Variants in SYT7 observed in about 807,000 individuals in gnomAD.
SYT7 encodes synaptotagmin-7.
A neutral mutation model predicts 75.1 loss-of-function variants in SYT7; 29 were observed. That is an observed-to-expected ratio of 0.39 (90% CI 0.29 to 0.53). The LOEUF is 0.53. Ranked by LOEUF, SYT7 falls within the 20% of genes least tolerant of loss-of-function variation. The pLI is 0.77. For missense variants in SYT7, 693 were observed against 953.2 expected (o/e 0.73, Z 3.59); for synonymous variants, 376 against 401.7 (o/e 0.94, Z 0.76).
intron 7 of SYT7, chr11:61,533,366 ATTTTG>A: frequency 1.0e-6 from 1 of 985,306 alleles, no homozygotes; most frequent in Non-Finnish European, 1.2e-6. Flanking sequence ...TATAGGGGAT[ATTTTG>A]GGGGGTGTCC....
At chr11:61,560,581 C>T (rs745842032) in intron 1 of SYT7, among the ~76,000 whole-genome samples, 1 of 152,160 alleles carries the variant, frequency 6.6e-6, no homozygotes, top group African/African-American at 2.4e-5. Flanking sequence ...CAAACACTTG[C>T]CACTGCAAAT....
At chr11:61,526,984 C>T (rs1348377863) in intron 9 of SYT7, among the ~76,000 whole-genome samples, 1 of 152,118 alleles carries the variant, frequency 6.6e-6, no homozygotes, top group Non-Finnish European at 1.5e-5. Context: ...CTGGTTGAAC[C>T]GGGGGCCATT....
Position 61,550,916 on chromosome 11 carries a change from CAGG to C in SYT7, c.215+465_215+467del, listed in dbSNP as rs1590902979. 2.6e-5 allele frequency among the ~76,000 whole-genome samples: 4 copies of C among 152,306 alleles called. No homozygotes were observed. In the East Asian group the frequency reaches 7.7e-4, roughly 30 times the overall value. ...CTCTGCTCCCCGAGTGGCCCAGACA[CAGG>C]TGTGTCTGCCTCCCCACTTCCAGGT... On this transcript the variant is annotated intron_variant, in intron 3 of 12. Transcript: ENST00000539008.
upstream of SYT7, among the ~76,000 whole-genome samples, chr11:61,581,878 C>G (rs1158394944): frequency 6.6e-6 from 1 of 152,218 alleles, no homozygotes; most frequent in Non-Finnish European, 1.5e-5. Flanking sequence ...CTGGACCTCT[C>G]TTGGTCCCCT....
chr11:61,569,320 G>T (rs2063857283), intron 1 of SYT7, among the ~76,000 whole-genome samples: 1 of 152,124 alleles, frequency 6.6e-6, no homozygotes, highest in Non-Finnish European at 1.5e-5. Flanking sequence ...AAACTGCCTG[G>T]GTCAGGGTTC....
At chr11:61,532,823 C>A (rs755912602) in intron 8 of SYT7, among the ~76,000 whole-genome samples, 166 bp downstream of exon 8, 5 of 152,194 alleles carry the variant, frequency 3.3e-5, no homozygotes, top group Non-Finnish European at 7.3e-5. Context: ...AGTCACCAAG[C>A]GCCGAGTGGC....
At chr11:61,556,531 GC>G (rs1416608782) in intron 1 of SYT7, among the ~76,000 whole-genome samples, 3 of 152,218 alleles carry the variant, frequency 2.0e-5, no homozygotes, top group Non-Finnish European at 4.4e-5. Context: ...GGCCAAATGT[GC>G]CCCTCAGTTC....
At chr11:61,575,976 C>G (rs180927541) in intron 1 of SYT7, among the ~76,000 whole-genome samples, 1 of 152,316 alleles carries the variant, frequency 6.6e-6, no homozygotes, top group African/African-American at 2.4e-5. Context: ...CTCACAATAC[C>G]TCAGCTCCCG....
At chr11:61,555,074 G>A (rs551458744) in intron 2 of SYT7, among the ~76,000 whole-genome samples, 1 of 152,306 alleles carries the variant, frequency 6.6e-6, no homozygotes, top group Admixed American at 6.5e-5. Flanking sequence ...CTCCAGAGGA[G>A]TGGGGCATGA....
rs1179718692 is a variant in SYT7, at chr11:61,516,701, C to T, written c.*1926G>A. Reference sequence around the variant, plus strand: ...CCAAAGAGGAGGATGCAGTTGGGGCCGACCCCATTTTAAGCAAAGCTACAA... The same window carrying T: ...CCAAAGAGGAGGATGCAGTTGGGGCTGACCCCATTTTAAGCAAAGCTACAA... On this transcript the variant is annotated 3_prime_UTR_variant, in exon 13 of 13. Coordinates refer to ENST00000539008, the MANE Select transcript of SYT7 (RefSeq NM_001365809.2). This position sits in a 1 kb window ranked among gnomAD's most constrained non-coding sequence, Gnocchi z 4.6. 6.6e-6 allele frequency: 1 copy of T among 152,188 alleles called. No homozygotes were observed. Among genetic ancestry groups the T allele is most frequent in the African/African-American group, 2.4e-5 (1 of 41,438 alleles). The allele number at this position is 152,188 out of a possible 1,614,324, so 9.4% of individuals were successfully genotyped here.
chr11:61,523,239 T>C lies in SYT7; in HGVS notation c.1792A>G (p.Lys598Glu). 2 of 1,614,172 alleles carry C rather than the reference T, an allele frequency of 1.2e-6. No individual in the cohort carries two copies. The highest frequency in any genetic ancestry group is 1.7e-6 in the Non-Finnish European group (2 of 1,180,026). Reference sequence around the variant, plus strand: ...ACCGTCTTCTTCTTCTCCACCCGCTTGTCCTTGTACATCAGCCATACCTTC... The same window carrying C: ...ACCGTCTTCTTCTTCTCCACCCGCTCGTCCTTGTACATCAGCCATACCTTC... The part of the protein sequence containing the change: ...YVKVWLMYKD[K>E]RVEKKKTVTM... Residue 598 changes from lysine (K) to glutamate (E), a missense_variant, in exon 12 of 13, where the codon AAG becomes GAG. This residue lies in a region of SYT7 where 206 missense variants were observed against 360.0 expected (regional missense o/e 0.57). Coordinates refer to ENST00000539008, the MANE Select transcript of SYT7 (RefSeq NM_001365809.2). The surrounding 1 kb of genome is among the most constrained non-coding windows in gnomAD (Gnocchi z 5.0).
chr11:61,533,238 C>A, intron 7 of SYT7, 114 bp from the exon 8 acceptor site: 1 of 1,459,900 alleles, frequency 6.8e-7, no homozygotes, highest in Non-Finnish European at 9.0e-7. Flanking sequence ...CCATGCCCGG[C>A]GGGCCGGCAG....
chr11:61,529,697 C>T (rs995868088), intron 8 of SYT7, among the ~76,000 whole-genome samples: 1 of 152,184 alleles, frequency 6.6e-6, no homozygotes, highest in African/African-American at 2.4e-5. Flanking sequence ...TGCAGTGGTG[C>T]AATCCTGGCT....
intron 1 of SYT7, among the ~76,000 whole-genome samples, chr11:61,577,690 A>T (rs1369432087): frequency 6.6e-6 from 1 of 152,150 alleles, no homozygotes; most frequent in Non-Finnish European, 1.5e-5. Context: ...TGCCTAGTGG[A>T]GTGTCTGTAG....
intron 1 of SYT7, among the ~76,000 whole-genome samples, chr11:61,573,717 A>C (rs1410360714): frequency 6.6e-6 from 1 of 151,900 alleles, no homozygotes; most frequent in Non-Finnish European, 1.5e-5. Flanking sequence ...ATGCTCAAGC[A>C]CTCCCTGCTG....
intron 12 of SYT7, among the ~76,000 whole-genome samples, chr11:61,520,181 C>T (rs143807670): frequency 0.011 from 1,617 of 152,012 alleles, 12 homozygotes; most frequent in Middle Eastern, 0.038. Context: ...TGAGCCACCA[C>T]GCCCAGCCAA....
chr11:61,556,339 A>T, intron 1 of SYT7, 132 bp from the exon 2 acceptor site: 1 of 662,972 alleles, frequency 1.5e-6, no homozygotes, highest in Non-Finnish European at 2.5e-6. Context: ...CCCAGGTTCT[A>T]CTCCCAGTTC....
intron 7 of SYT7, among the ~76,000 whole-genome samples, chr11:61,537,915 C>A (rs749273841): frequency 4.9e-4 from 75 of 152,330 alleles, no homozygotes; most frequent in Non-Finnish European, 6.9e-4. Flanking sequence ...AGAGAGCAGG[C>A]CTGATCCAGA....
intron 1 of SYT7, among the ~76,000 whole-genome samples, chr11:61,569,914 C>T (rs1259483445): frequency 2.0e-5 from 3 of 152,198 alleles, no homozygotes; most frequent in Non-Finnish European, 2.9e-5. Flanking sequence ...GCCACAGGTG[C>T]GGGCGGGCAT....
Sources: gnomAD v4.1 joint callset for allele counts (sites outside exome capture counted in the v4.1 genomes callset) on GRCh38, gnomAD v4.1.1 for gene constraint, gnomAD v4.1.1 regional missense constraint, Gnocchi (gnomAD v3.1) non-coding constraint, MANE v1.5 for transcripts, NCBI Gene and HGNC (gene_info 2026-07-23, HGNC 2026-07-21) for gene names.